The following IGF1 variants were observed in gnomAD, a reference collection of about 807,000 sequenced individuals.
The protein encoded by IGF1 is insulin-like growth factor 1.
A neutral mutation model predicts 13.8 loss-of-function variants in IGF1; 4 were observed. The observed-to-expected ratio is 0.29, with a 90% CI of 0.14 to 0.66. The LOEUF (loss-of-function observed/expected upper bound fraction) is 0.66, where lower values mean the gene tolerates loss of function less well. IGF1 is among the 30% of genes least tolerant of loss of function. IGF1 has a pLI of 0.78. For synonymous variants in IGF1, 76 were observed against 72.6 expected, an observed-to-expected ratio of 1.05 and a Z score of -0.23; for missense variants, 124 against 188.5, an observed-to-expected ratio of 0.66 and a Z score of 2.00.
rs1873715617 is a variant in IGF1 at position 102,401,964 on chromosome 12, T to G, written c.*543A>C. The G allele has an allele frequency of 6.5e-6, 1 of 152,698 alleles. No individual in the cohort carries two copies. Among genetic ancestry groups the G allele is most frequent in the Admixed American group, 6.5e-5 (1 of 15,272 alleles). 9.5% of individuals were successfully genotyped at this position (152,698 alleles called of 1,614,324 possible). Reference sequence around the variant, plus strand: ...ATTGGTGTGCTTCTTGACGACTTGCTGCTGCTTTTGAGGAGGCCAAATTCG... The same window carrying G: ...ATTGGTGTGCTTCTTGACGACTTGCGGCTGCTTTTGAGGAGGCCAAATTCG... On this transcript the variant is annotated 3_prime_UTR_variant, in exon 4 of 4. Coordinates refer to ENST00000337514, the MANE Select transcript of IGF1 (RefSeq NM_000618.5).
chr12:102,480,371 A>AT lies in IGF1; in HGVS notation c.10dup (p.Ile4AsnfsTer10), dbSNP rs772304688. On this transcript the variant is annotated frameshift_variant, in exon 1 of 4. Coordinates refer to ENST00000337514, the MANE Select transcript of IGF1 (RefSeq NM_000618.5). LOFTEE classifies it high-confidence loss of function. ...AAATAATTGGGTTGGAAGACTGCTG[A>AT]TTTTTCCCATTGCTTCTGAAGTACA... The AT allele has an allele frequency of 6.2e-7, 1 of 1,613,680 alleles. No individual in the cohort carries two copies. The highest frequency in any genetic ancestry group is 8.5e-7 in the Non-Finnish European group (1 of 1,179,708).
chr12:102,467,777 G>A (rs1477437710), intron 2 of IGF1, among the ~76,000 whole-genome samples: 1 of 152,170 alleles, frequency 6.6e-6, no homozygotes, highest in African/African-American at 2.4e-5. Flanking sequence ...CACAGACATG[G>A]CTAATTGTTG....
intron 2 of IGF1, among the ~76,000 whole-genome samples, chr12:102,441,907 C>CTGCTGCTGCTTCTTCTTCTTCTTT (rs1318372345): frequency 4.0e-5 from 3 of 74,614 alleles, no homozygotes; most frequent in Admixed American, 1.7e-4. Flanking sequence ...TATTACACTG[C>CTGCTGCTGCTTCTTCTTCTTCTTT]TTCTTCTCCT....
intron 2 of IGF1, among the ~76,000 whole-genome samples, chr12:102,441,953 T>TTCTTCTTCTTCTTCTTCTC (rs1555244154): frequency 1.4e-5 from 2 of 140,220 alleles, no homozygotes; most frequent in Admixed American, 8.1e-5. Flanking sequence ...CTTCTTCTTC[T>TTCTTCTTCTTCTTCTTCTC]TCTTTTTTTT....
intron 2 of IGF1, among the ~76,000 whole-genome samples, chr12:102,472,610 A>C (rs1240902247): frequency 6.6e-6 from 1 of 152,200 alleles, no homozygotes; most frequent in Non-Finnish European, 1.5e-5. Context: ...TTTGAAAATA[A>C]GTGTAAAGAG....
intron 2 of IGF1, among the ~76,000 whole-genome samples, chr12:102,474,870 T>C (rs1446351537): frequency 1.3e-5 from 2 of 152,226 alleles, no homozygotes; most frequent in African/African-American, 4.8e-5. Context: ...ACGCCTTGAC[T>C]TGGCTGTCTA....
chr12:102,481,194 C>T (rs773545171), upstream of IGF1, among the ~76,000 whole-genome samples: 1 of 152,098 alleles, frequency 6.6e-6, no homozygotes, highest in Admixed American at 6.6e-5. Context: ...AAGACTATGC[C>T]GAGCTGTAAA....
At chr12:102,472,294 T>G (rs1880734457) in intron 2 of IGF1, among the ~76,000 whole-genome samples, 1 of 152,178 alleles carries the variant, frequency 6.6e-6, no homozygotes, top group African/African-American at 2.4e-5. Flanking sequence ...TCTAGAAGGT[T>G]GCTTTCACTT....
Position 102,475,791 on chromosome 12 carries a change from C to T in IGF1, c.72G>A (p.Met24Ile). Residue 24 changes from methionine (M) to isoleucine (I), a missense_variant, in exon 2 of 4, where the codon ATG becomes ATA. Physicochemically the swap from Met to Ile is conservative, Grantham distance 10. Coordinates refer to ENST00000337514, the MANE Select transcript of IGF1 (RefSeq NM_000618.5). Reference sequence around the variant, plus strand: ...AGAGATGCGAGGAGGACATGGTGTGCATCTTCACCTGCCCAAGAAACAGAG... The same window carrying T: ...AGAGATGCGAGGAGGACATGGTGTGTATCTTCACCTGCCCAAGAAACAGAG... ...CCFCDFLKVKMHTMSSSHLFY... is the reference protein window; with the variant it reads ...CCFCDFLKVKIHTMSSSHLFY... The T allele has an allele frequency of 6.2e-7, 1 of 1,613,080 alleles. No individual in the cohort carries two copies. The highest frequency in any genetic ancestry group is 1.7e-5 in the Admixed American group (1 of 59,860).
chr12:102,441,958 T>TTCTTCTTCTTCTTCTTC (rs1180940405), intron 2 of IGF1, among the ~76,000 whole-genome samples: 3,501 of 40,458 alleles, frequency 0.087, 94 homozygotes, highest in Non-Finnish European at 0.11. Flanking sequence ...TCTTCTTCTT[T>TTCTTCTTCTTCTTCTTC]TTTTTTTTTG....
chr12:102,464,688 G>A (rs1432248163), intron 2 of IGF1, among the ~76,000 whole-genome samples: 1 of 151,894 alleles, frequency 6.6e-6, no homozygotes, highest in South Asian at 2.1e-4. Flanking sequence ...AGGGTCACTG[G>A]TCCATATGGT....
At chr12:102,426,659 C>T (rs1304540130) in intron 2 of IGF1, among the ~76,000 whole-genome samples, 1 of 152,126 alleles carries the variant, frequency 6.6e-6, no homozygotes, top group African/African-American at 2.4e-5. Context: ...TATCTTGACC[C>T]CTTGTTACCT....
chr12:102,447,018 C>T (rs958959210), intron 2 of IGF1, among the ~76,000 whole-genome samples: 3 of 152,120 alleles, frequency 2.0e-5, no homozygotes, highest in Non-Finnish European at 4.4e-5. Flanking sequence ...GTTCAGTTTC[C>T]ATGTACTTGT....
intron 2 of IGF1, among the ~76,000 whole-genome samples, chr12:102,442,720 C>T (rs1877974050): frequency 6.6e-6 from 1 of 152,142 alleles, no homozygotes; most frequent in African/African-American, 2.4e-5. Flanking sequence ...TTTGCTCTAA[C>T]ACATCTGGCT....
rs1392618476 is a variant in IGF1, at chr12:102,400,946, T to C, written c.*1561A>G. 6.6e-6 allele frequency: 1 copy of C among 152,218 alleles called. No individual in the cohort carries two copies. Among genetic ancestry groups the C allele is most frequent in the Non-Finnish European group, 1.5e-5 (1 of 68,034 alleles). The allele number at this position is 152,218 out of a possible 1,614,324, so 9.4% of individuals were successfully genotyped here. On this transcript the variant is annotated 3_prime_UTR_variant, in exon 4 of 4. Transcript: ENST00000337514. ...AATGCTTCCCACATATTTTGAAAAGTGTTTTAAGAGATTGAGCTGTTAGCT... is the reference window on the plus strand; with the variant it reads ...AATGCTTCCCACATATTTTGAAAAGCGTTTTAAGAGATTGAGCTGTTAGCT...
intron 2 of IGF1, among the ~76,000 whole-genome samples, chr12:102,458,959 C>T (rs937144743): frequency 2.0e-5 from 3 of 152,038 alleles, no homozygotes; most frequent in South Asian, 2.1e-4. Context: ...TCAATCAAGT[C>T]AATGTCTCAA....
chr12:102,448,118 G>A (rs1343142961), intron 2 of IGF1, among the ~76,000 whole-genome samples: 1 of 151,122 alleles, frequency 6.6e-6, no homozygotes, highest in South Asian at 2.1e-4. Context: ...AACCATTGTG[G>A]AAGTCAGTGT....
intron 2 of IGF1, among the ~76,000 whole-genome samples, chr12:102,451,984 C>A (rs563092753): frequency 1.3e-5 from 2 of 152,180 alleles, no homozygotes; most frequent in East Asian, 3.9e-4. Flanking sequence ...CTACTTCGGC[C>A]GGGCGCGGTG....
chr12:102,409,753 A>G (rs2136961489), intron 3 of IGF1, among the ~76,000 whole-genome samples: 1 of 152,344 alleles, frequency 6.6e-6, no homozygotes, highest in Admixed American at 6.5e-5. Context: ...TTTCCTGTCT[A>G]TACAATAGTG....
Sources: allele counts gnomAD v4.1 joint callset (sites outside exome capture counted in the v4.1 genomes callset), GRCh38; gene constraint gnomAD v4.1.1; transcripts MANE v1.5; gene names NCBI Gene and HGNC (gene_info 2026-07-23, HGNC 2026-07-21).